The following MTUS2 variants were observed in gnomAD, a reference collection of about 807,000 sequenced individuals.
MTUS2 encodes the protein microtubule-associated tumor suppressor candidate 2.
A neutral mutation model predicts 114.1 loss-of-function variants in MTUS2; 40 were observed. The ratio of observed to expected loss-of-function variants is 0.35; its 90% CI spans 0.27 to 0.46. The LOEUF (loss-of-function observed/expected upper bound fraction) is 0.46, where lower values mean the gene tolerates loss of function less well. Ranked by LOEUF, MTUS2 falls within the 20% of genes least tolerant of loss-of-function variation. The pLI is 1.00. For synonymous variants in MTUS2, 688 were observed against 672.0 expected, an observed-to-expected ratio of 1.02 and a Z score of -0.37; for missense variants, 1,679 against 1,705.4, an observed-to-expected ratio of 0.98 and a Z score of 0.27.
intron 4 of MTUS2, among the ~76,000 whole-genome samples, chr13:29,084,772 A>G (rs1889604260): frequency 7.4e-6 from 1 of 135,510 alleles, no homozygotes; most frequent in Non-Finnish European, 1.5e-5. Flanking sequence ...TCCTGACCTC[A>G]GGTGATCCAC....
chr13:29,392,461 G>A (rs115014001), intron 8 of MTUS2, among the ~76,000 whole-genome samples: 1,569 of 152,288 alleles, frequency 0.01, 24 homozygotes, highest in African/African-American at 0.036. Context: ...CGACTCACAG[G>A]ACACACAGCT....
intron 8 of MTUS2, among the ~76,000 whole-genome samples, chr13:29,381,036 T>C (rs1872163570): frequency 6.8e-6 from 1 of 147,662 alleles, no homozygotes; most frequent in African/African-American, 2.6e-5. Flanking sequence ...TCTACATTGA[T>C]TTTAGGAGGA....
At chr13:29,092,331 C>G (rs960164796) in intron 4 of MTUS2, among the ~76,000 whole-genome samples, 11 of 152,174 alleles carry the variant, frequency 7.2e-5, no homozygotes, top group Non-Finnish European at 1.5e-4. Flanking sequence ...TTTGTTTTAG[C>G]CTTTTTTTTG....
chr13:28,983,615 C>T (rs1360927428), intron 2 of MTUS2, among the ~76,000 whole-genome samples: 3 of 152,092 alleles, frequency 2.0e-5, no homozygotes, highest in African/African-American at 7.2e-5. Context: ...GGATGGCTTT[C>T]ATTGTATTTC....
At chr13:29,409,844 C>T (rs1385583283) in intron 8 of MTUS2, among the ~76,000 whole-genome samples, 1 of 150,172 alleles carries the variant, frequency 6.7e-6, no homozygotes, top group Non-Finnish European at 1.5e-5. Flanking sequence ...AGTGACTATA[C>T]CATAAGTTGT....
rs1297604822 is a variant in MTUS2, at chr13:29,383,217, AGTGT to A, written c.3117+23777_3117+23780del. Reference sequence around the variant, plus strand: ...ACAAGTTTAAATGATAGGAAAATTGAGTGTGTGTGTGTGTGTGTGTGTGTGTGTG... The same window carrying A: ...ACAAGTTTAAATGATAGGAAAATTGAGTGTGTGTGTGTGTGTGTGTGTGTG... On this transcript the variant is annotated intron_variant, in intron 8 of 15. Transcript: ENST00000612955. 6.5e-3 allele frequency among the ~76,000 whole-genome samples: 683 copies of A among 105,558 alleles called. 8 individuals are homozygous for A. Among genetic ancestry groups the A allele is most frequent in the African/African-American group, 0.02 (649 of 33,080 alleles). 69.3% of individuals were successfully genotyped at this position (105,558 alleles called of 152,430 possible).
intron 2 of MTUS2, among the ~76,000 whole-genome samples, chr13:28,946,543 A>T (rs968537003): frequency 1.3e-5 from 2 of 152,188 alleles, no homozygotes; most frequent in African/African-American, 4.8e-5. Flanking sequence ...ATTATGTAAC[A>T]TCATCCTGGG....
chr13:29,285,194 CAA>C (rs758016740), intron 6 of MTUS2, among the ~76,000 whole-genome samples: 4 of 121,346 alleles, frequency 3.3e-5, no homozygotes, highest in Non-Finnish European at 3.6e-5. Flanking sequence ...AAAACAAAAC[CAA>C]AAAAAAAAAA....
intron 2 of MTUS2, among the ~76,000 whole-genome samples, chr13:28,851,448 A>G (rs1054105236): frequency 2.0e-5 from 3 of 152,238 alleles, no homozygotes; most frequent in Non-Finnish European, 4.4e-5. Context: ...CATCACATGT[A>G]TATGCAAATA....
chr13:29,155,016 A>C (rs1892801300), intron 5 of MTUS2, among the ~76,000 whole-genome samples: 1 of 152,242 alleles, frequency 6.6e-6, no homozygotes, highest in African/African-American at 2.4e-5. Flanking sequence ...TAATGCCATG[A>C]GAGCAACCTG....
chr13:29,186,578 A>G (rs1417807685), intron 5 of MTUS2, among the ~76,000 whole-genome samples: 1 of 152,210 alleles, frequency 6.6e-6, no homozygotes, highest in Non-Finnish European at 1.5e-5. Context: ...AATATATAAC[A>G]ATTATGAACA....
At chr13:29,358,387 C>T (rs1460221317) in intron 7 of MTUS2, among the ~76,000 whole-genome samples, 1 of 152,216 alleles carries the variant, frequency 6.6e-6, no homozygotes, top group African/African-American at 2.4e-5. Context: ...GTCCTCAACC[C>T]CAGGCAGAGC....
At chr13:29,453,445 A>C (rs1231849715) in intron 9 of MTUS2, among the ~76,000 whole-genome samples, 1 of 152,212 alleles carries the variant, frequency 6.6e-6, no homozygotes, top group Non-Finnish European at 1.5e-5. Flanking sequence ...GAAAAGAAAG[A>C]TGTGACCAGG....
intron 4 of MTUS2, among the ~76,000 whole-genome samples, chr13:29,052,965 A>G (rs1377203716): frequency 6.6e-6 from 1 of 152,166 alleles, no homozygotes; most frequent in Non-Finnish European, 1.5e-5. Context: ...CTGGGCACTC[A>G]TTCTCTCTCC....
At chr13:29,231,440 C>T (rs754951162) in intron 5 of MTUS2, among the ~76,000 whole-genome samples, 2 of 152,224 alleles carry the variant, frequency 1.3e-5, no homozygotes, top group Non-Finnish European at 2.9e-5. Flanking sequence ...ACAGTGCTCA[C>T]ATCAGCTGTG....
At chr13:28,975,419 C>T (rs760428562) in intron 2 of MTUS2, among the ~76,000 whole-genome samples, 1 of 152,138 alleles carries the variant, frequency 6.6e-6, no homozygotes, top group South Asian at 2.1e-4. Flanking sequence ...TGACTCTCCA[C>T]AGTGGCTTCT....
At chr13:29,184,622 A>T (rs993721844) in intron 5 of MTUS2, among the ~76,000 whole-genome samples, 1 of 152,310 alleles carries the variant, frequency 6.6e-6, no homozygotes, top group African/African-American at 2.4e-5. Context: ...TATTAGTTCC[A>T]GGTATTTAAG....
At chr13:28,948,916 C>A (rs1382753935) in intron 2 of MTUS2, among the ~76,000 whole-genome samples, 2 of 152,080 alleles carry the variant, frequency 1.3e-5, no homozygotes, top group African/African-American at 2.4e-5. Flanking sequence ...AGTGGGTCCC[C>A]CTTTGGACTT....
intron 8 of MTUS2, among the ~76,000 whole-genome samples, chr13:29,391,864 G>A (rs539851910): frequency 2.6e-5 from 4 of 151,946 alleles, no homozygotes; most frequent in South Asian, 2.1e-4. Context: ...TTGGCCGGGC[G>A]CAGTGGCTCA....
Sources: allele counts gnomAD v4.1 joint callset (sites outside exome capture counted in the v4.1 genomes callset), GRCh38; gene constraint gnomAD v4.1.1; transcripts MANE v1.5; gene names NCBI Gene and HGNC (gene_info 2026-07-23, HGNC 2026-07-21).